TLL1: variants seen among roughly 807,000 people sequenced by gnomAD.
TLL1 encodes tolloid-like protein 1.
TLL1 carries 49 observed loss-of-function variants against 128.2 expected under a neutral mutation model. The ratio of observed to expected loss-of-function variants is 0.38; its 90% CI spans 0.30 to 0.48. The LOEUF (loss-of-function observed/expected upper bound fraction) is 0.48. TLL1 is among the 20% of genes least tolerant of loss of function. The pLI is 0.96. For missense variants in TLL1, 1,123 were observed against 1,242.0 expected, an observed-to-expected ratio of 0.90 and a Z score of 1.44; for synonymous variants, 454 against 418.8, an observed-to-expected ratio of 1.08 and a Z score of -1.03.
Position 166,100,931 on chromosome 4 carries a change from T to C in TLL1, c.*55T>C. On this transcript the variant is annotated 3_prime_UTR_variant, in exon 21 of 21. Transcript: ENST00000061240. ...ATGTGCATAATGGAGAGAAGACATA[T>C]TTTTTTTAAAACTGAAGATATTGGC... 2.5e-6 allele frequency: 4 copies of C among 1,583,062 alleles called. No homozygotes were observed. Among genetic ancestry groups the C allele is most frequent in the Non-Finnish European group, 3.4e-6 (4 of 1,160,136 alleles).
intron 1 of TLL1, among the ~76,000 whole-genome samples, chr4:165,906,613 T>A (rs1482540886): frequency 1.3e-5 from 2 of 152,158 alleles, no homozygotes; most frequent in Non-Finnish European, 2.9e-5. Flanking sequence ...AATATTTAAA[T>A]TATAAGAAAG....
chr4:166,026,962 A>C (rs1411425340), intron 9 of TLL1, among the ~76,000 whole-genome samples: 2 of 152,186 alleles, frequency 1.3e-5, no homozygotes, highest in Non-Finnish European at 2.9e-5. Context: ...AAAAGTATTC[A>C]CAATAGCAAA....
At chr4:166,100,696 C>T (rs778202680) in intron 20 of TLL1, 46 bp from the exon 21 acceptor site, 15 of 1,609,992 alleles carry the variant, frequency 9.3e-6, no homozygotes, top group African/African-American at 8.0e-5. Context: ...AAAAGTGATT[C>T]GTTTTATTGC....
intron 7 of TLL1, among the ~76,000 whole-genome samples, chr4:166,010,482 G>A (rs1461552320): frequency 2.0e-5 from 3 of 150,448 alleles, no homozygotes; most frequent in Non-Finnish European, 4.5e-5. Flanking sequence ...CAGGTTATTT[G>A]ATTATTTTGT....
At chr4:165,967,950 A>G (rs952189005) in intron 1 of TLL1, among the ~76,000 whole-genome samples, 3 of 152,330 alleles carry the variant, frequency 2.0e-5, no homozygotes, top group Non-Finnish European at 4.4e-5. Flanking sequence ...GGATGTTTAC[A>G]TAACAACAAT....
chr4:165,897,662 C>CT (rs951819686), intron 1 of TLL1, among the ~76,000 whole-genome samples: 13,964 of 47,398 alleles, frequency 0.29, 2,329 homozygotes, highest in East Asian at 0.53. Context: ...GGTAGTCCAG[C>CT]TTTTTTTTTT....
intron 16 of TLL1, 95 bp from the exon 17 acceptor site, chr4:166,074,783 C>T: frequency 6.8e-7 from 1 of 1,461,236 alleles, no homozygotes; most frequent in Non-Finnish European, 9.5e-7. Context: ...ACTTAGTTTA[C>T]CCTTTGGCAG....
intron 9 of TLL1, among the ~76,000 whole-genome samples, chr4:166,033,369 GAGA>G (rs35582334): frequency 0.22 from 32,961 of 151,980 alleles, 3,789 homozygotes; most frequent in Middle Eastern, 0.27. Flanking sequence ...TTAGTGGTAT[GAGA>G]AGTTCTGTAA....
intron 1 of TLL1, among the ~76,000 whole-genome samples, chr4:165,900,280 A>G (rs1731915042): frequency 6.6e-6 from 1 of 152,120 alleles, no homozygotes; most frequent in Non-Finnish European, 1.5e-5. Flanking sequence ...TGTCATCATG[A>G]TGATAGCCGG....
Position 166,091,169 on chromosome 4 carries a change from T to C in TLL1, c.2484T>C (p.Ala828=), listed in dbSNP as rs1185843830. The C allele has an allele frequency of 1.2e-6, 2 of 1,613,208 alleles. No homozygotes were observed. Among genetic ancestry groups the C allele is most frequent in the Non-Finnish European group, 1.7e-6 (2 of 1,179,462 alleles). Residue 828 remains alanine (A), a synonymous_variant, in exon 19 of 21, where the codon GCT becomes GCC. Transcript: ENST00000061240. ...EFEIEQHQEC[A]YDHLEVFDGE... ...AGATTGAGCAGCATCAAGAATGTGC[T>C]TATGACCACTTAGAAGTATTTGATG...
chr4:165,892,788 TC>T (rs1561010436), intron 1 of TLL1, among the ~76,000 whole-genome samples: 2 of 152,228 alleles, frequency 1.3e-5, no homozygotes, highest in Non-Finnish European at 2.9e-5. Context: ...CCTCAGTGAC[TC>T]TCTTACCCTT....
At chr4:165,959,170 G>A (rs1205408816) in intron 1 of TLL1, among the ~76,000 whole-genome samples, 2 of 151,996 alleles carry the variant, frequency 1.3e-5, no homozygotes, top group African/African-American at 4.8e-5. Context: ...TGTTCTTTTG[G>A]CTTAGGATTG....
At chr4:165,927,334 A>G (rs1255186434) in intron 1 of TLL1, among the ~76,000 whole-genome samples, 1 of 152,260 alleles carries the variant, frequency 6.6e-6, no homozygotes, top group East Asian at 1.9e-4. Context: ...TTTAAAGTCA[A>G]GCTAAAGTAA....
intron 19 of TLL1, among the ~76,000 whole-genome samples, chr4:166,094,903 A>C (rs1741949848): frequency 6.6e-6 from 1 of 152,060 alleles, no homozygotes; most frequent in African/African-American, 2.4e-5. Flanking sequence ...ATGTGTGGGA[A>C]TTTTTAAGAC....
At chr4:165,997,164 A>G (rs1736922053) in intron 5 of TLL1, among the ~76,000 whole-genome samples, 1 of 152,166 alleles carries the variant, frequency 6.6e-6, no homozygotes, top group Non-Finnish European at 1.5e-5. Context: ...TGATTTTTCT[A>G]TGATAATGCT....
chr4:165,931,587 T>G (rs542282925), intron 1 of TLL1, among the ~76,000 whole-genome samples: 4 of 151,646 alleles, frequency 2.6e-5, no homozygotes, highest in Non-Finnish European at 4.4e-5. Flanking sequence ...GGTGTGGTGG[T>G]GGGCACCTGT....
At chr4:166,040,187 G>T (rs116568651) in intron 10 of TLL1, among the ~76,000 whole-genome samples, 1,875 of 152,202 alleles carry the variant, frequency 0.012, 43 homozygotes, top group African/African-American at 0.042. Context: ...AAGTAGTTTT[G>T]CTCAGTTGCA....
In TLL1 at chr4:166,042,098, A is replaced by G. The variant is rs1409605158; in HGVS notation, c.1333A>G (p.Ser445Gly). The G allele has an allele frequency of 1.9e-6, 3 of 1,612,420 alleles. No individual in the cohort carries two copies. The highest frequency in any genetic ancestry group is 1.7e-6 in the Non-Finnish European group (2 of 1,178,680). ...TDSRMWIEFRSSSNWVGKGFA... is the reference protein window; with the variant it reads ...TDSRMWIEFRGSSNWVGKGFA... Reference sequence around the variant, plus strand: ...CAGCAGAATGTGGATTGAGTTTCGTAGCAGCAGTAATTGGGTAGGAAAAGG... The same window carrying G: ...CAGCAGAATGTGGATTGAGTTTCGTGGCAGCAGTAATTGGGTAGGAAAAGG... Residue 445 changes from serine to glycine, a missense_variant, in exon 11 of 21, where the codon AGC becomes GGC. Ser to Gly is a moderately conservative substitution (Grantham distance 56). Coordinates refer to ENST00000061240, the MANE Select transcript of TLL1 (RefSeq NM_012464.5).
chr4:166,053,634 A>G (rs1579679319), intron 12 of TLL1, among the ~76,000 whole-genome samples: 1 of 152,156 alleles, frequency 6.6e-6, no homozygotes, highest in Admixed American at 6.5e-5. Flanking sequence ...TAGTGTTTTG[A>G]TAAGGCAGAA....
Sources: gnomAD v4.1 joint callset for allele counts (sites outside exome capture counted in the v4.1 genomes callset) on GRCh38, gnomAD v4.1.1 for gene constraint, MANE v1.5 for transcripts, NCBI Gene and HGNC (gene_info 2026-07-23, HGNC 2026-07-21) for gene names.